Variants in MLIP observed in about 807,000 individuals in gnomAD.
The protein encoded by MLIP is muscular LMNA interacting protein.
In MLIP, 79 loss-of-function variants were observed where a neutral mutation model predicts 84.8. The ratio of observed to expected loss-of-function variants is 0.93; its 90% CI spans 0.78 to 1.12. The LOEUF (loss-of-function observed/expected upper bound fraction) is 1.12, where lower values mean the gene tolerates loss of function less well. Ranked by LOEUF, MLIP falls within the 50% of genes most tolerant of loss-of-function variation. The pLI is 0.00. For synonymous variants in MLIP, 504 were observed against 463.0 expected (o/e 1.09, Z -1.14); for missense variants, 1,257 against 1,160.6 (o/e 1.08, Z -1.21).
chr6:54,034,153 C>T (rs1052795479), intron 1 of MLIP, among the ~76,000 whole-genome samples: 28 of 152,008 alleles, frequency 1.8e-4, no homozygotes, highest in Admixed American at 1.7e-3. Context: ...TGATTGCAAA[C>T]GAAAAACGAA....
At chr6:54,153,596 C>A (rs763691921) in intron 5 of MLIP, among the ~76,000 whole-genome samples, 72 of 151,908 alleles carry the variant, frequency 4.7e-4, no homozygotes, top group Non-Finnish European at 9.1e-4. Flanking sequence ...GCCTGTAATC[C>A]CAGCACTTTA....
At chr6:54,190,817 A>T (rs1424435296) in intron 10 of MLIP, among the ~76,000 whole-genome samples, 3 of 138,776 alleles carry the variant, frequency 2.2e-5, no homozygotes, top group Non-Finnish European at 4.6e-5. Context: ...TTTTTTTGAG[A>T]CGGAGTCTCG....
chr6:54,210,952 G>A (rs1779408339), intron 11 of MLIP, among the ~76,000 whole-genome samples: 1 of 151,996 alleles, frequency 6.6e-6, no homozygotes, highest in Non-Finnish European at 1.5e-5. Flanking sequence ...TAATAAAGTT[G>A]GGAGGGCTGG....
At chr6:54,021,744 A>G (rs1763509605) in intron 1 of MLIP, among the ~76,000 whole-genome samples, 1 of 152,228 alleles carries the variant, frequency 6.6e-6, no homozygotes. Flanking sequence ...CTATTAATCA[A>G]TACATAATCA....
chr6:54,171,895 T>C (rs1775806546), intron 9 of MLIP, among the ~76,000 whole-genome samples: 3 of 151,632 alleles, frequency 2.0e-5, no homozygotes, highest in Non-Finnish European at 3.0e-5. Flanking sequence ...AACATTTCAA[T>C]ATTTCATCAT....
intron 1 of MLIP, among the ~76,000 whole-genome samples, chr6:54,106,014 A>T (rs1768982910): frequency 1.3e-5 from 2 of 152,180 alleles, no homozygotes; most frequent in African/African-American, 4.8e-5. Context: ...TATATGGAAG[A>T]TATGCAGATT....
At chr6:54,127,227 GAAA>G (rs60281395) in intron 3 of MLIP, among the ~76,000 whole-genome samples, 1 of 151,842 alleles carries the variant, frequency 6.6e-6, no homozygotes, top group East Asian at 1.9e-4. Context: ...TTTAGTGGGG[GAAA>G]AAATTCTCCA....
chr6:54,160,684 G>A (rs1456405116), intron 7 of MLIP, 56 bp from the exon 8 acceptor site: 43 of 1,507,372 alleles, frequency 2.9e-5, no homozygotes, highest in Non-Finnish European at 3.6e-5. Flanking sequence ...TGCCTCACAG[G>A]CTTGTCCTTT....
intron 12 of MLIP, among the ~76,000 whole-genome samples, chr6:54,233,387 T>C (rs1223183738): frequency 6.6e-6 from 1 of 151,942 alleles, no homozygotes; most frequent in Admixed American, 6.6e-5. Flanking sequence ...GTCCATGTGT[T>C]TTCATTGTTC....
chr6:54,054,213 A>G (rs1765520469), intron 1 of MLIP, among the ~76,000 whole-genome samples: 1 of 152,186 alleles, frequency 6.6e-6, no homozygotes, highest in Admixed American at 6.5e-5. Flanking sequence ...TACATCCCAC[A>G]CTGAGTCATG....
intron 11 of MLIP, chr6:54,217,545 C>G (rs954539747): frequency 4.1e-6 from 4 of 984,538 alleles, no homozygotes; most frequent in African/African-American, 1.7e-5. Flanking sequence ...CTTTAATGAA[C>G]AAAGATATTA....
chr6:54,172,880 C>T (rs570201659), intron 9 of MLIP, among the ~76,000 whole-genome samples: 20 of 151,570 alleles, frequency 1.3e-4, no homozygotes, highest in African/African-American at 4.1e-4. Flanking sequence ...TTCTCCAGTC[C>T]GTGGTCTTCT....
chr6:54,141,344 T>C (rs2150498076), intron 4 of MLIP, among the ~76,000 whole-genome samples: 1 of 130,086 alleles, frequency 7.7e-6, no homozygotes, highest in South Asian at 2.3e-4. Flanking sequence ...TCCCACTGTG[T>C]CGCCCAGGCT....
chr6:54,082,839 A>G (rs1041436631), intron 1 of MLIP, among the ~76,000 whole-genome samples: 2 of 152,114 alleles, frequency 1.3e-5, no homozygotes, highest in Non-Finnish European at 2.9e-5. Flanking sequence ...AAACTGAATT[A>G]TAGAGCACTT....
chr6:54,223,199 C>T (rs12214173), intron 11 of MLIP, among the ~76,000 whole-genome samples: 93 of 151,964 alleles, frequency 6.1e-4, no homozygotes, highest in Non-Finnish European at 9.4e-4. Flanking sequence ...CCTTTTCACA[C>T]TGTTGAATGT....
chr6:54,085,725 T>C (rs1358403861), intron 1 of MLIP, among the ~76,000 whole-genome samples: 1 of 152,212 alleles, frequency 6.6e-6, no homozygotes, highest in Non-Finnish European at 1.5e-5. Context: ...AAAAGGTCAC[T>C]GTGTGAAGAG....
At chr6:54,186,304 G>A (rs962770914) in intron 9 of MLIP, among the ~76,000 whole-genome samples, 1 of 152,168 alleles carries the variant, frequency 6.6e-6, no homozygotes, top group African/African-American at 2.4e-5. Flanking sequence ...TTTTAGCCAA[G>A]CATATTTATA....
chr6:54,156,280 C>G (rs1341918847), intron 5 of MLIP, among the ~76,000 whole-genome samples: 1 of 151,908 alleles, frequency 6.6e-6, no homozygotes, highest in Non-Finnish European at 1.5e-5. Flanking sequence ...AAATAAGCCC[C>G]CCATCCAATT....
chr6:54,045,611 C>T (rs1257077309), intron 1 of MLIP: 2 of 152,010 alleles, frequency 1.3e-5, no homozygotes, highest in African/African-American at 4.8e-5. Flanking sequence ...GGAAGAGGGA[C>T]CTGGTGGGAG....
Sources: gnomAD v4.1 joint callset for allele counts (sites outside exome capture counted in the v4.1 genomes callset) on GRCh38, gnomAD v4.1.1 for gene constraint, MANE v1.5 for transcripts, NCBI Gene and HGNC (gene_info 2026-07-23, HGNC 2026-07-21) for gene names.